The following ANKRD31 variants were observed in gnomAD, a reference collection of about 807,000 sequenced individuals.
ANKRD31 encodes ankyrin repeat domain 31.
A neutral mutation model predicts 186.0 loss-of-function variants in ANKRD31; 147 were observed. That is an observed-to-expected ratio of 0.79 (90% CI 0.69 to 0.91). The LOEUF is 0.91. Ranked by LOEUF, ANKRD31 falls within the 40% of genes least tolerant of loss-of-function variation. ANKRD31 has a pLI of 0.00. For synonymous variants in ANKRD31, 673 were observed against 736.4 expected, an observed-to-expected ratio of 0.91 and a Z score of 1.39; for missense variants, 1,986 against 2,148.8, an observed-to-expected ratio of 0.92 and a Z score of 1.50.
intron 17 of ANKRD31, among the ~76,000 whole-genome samples, chr5:75,127,458 C>G (rs972109679): frequency 6.6e-6 from 1 of 152,018 alleles, no homozygotes; most frequent in Non-Finnish European, 1.5e-5. Flanking sequence ...AATATCTAGC[C>G]CCAAATGTCA....
At chr5:75,230,154 C>T (rs999903975) in intron 2 of ANKRD31, among the ~76,000 whole-genome samples, 6 of 151,732 alleles carry the variant, frequency 4.0e-5, no homozygotes, top group Non-Finnish European at 8.8e-5. Flanking sequence ...GCCCTGAGCA[C>T]GGGCTCTTCA....
Position 75,206,415 on chromosome 5 carries a change from A to C in ANKRD31, c.399T>G (p.Ile133Met), listed in dbSNP as rs1429945944. 1 of 1,469,608 alleles carries C rather than the reference A, an allele frequency of 6.8e-7. No individual in the cohort carries two copies. Among genetic ancestry groups the C allele is most frequent in the Non-Finnish European group, 8.9e-7 (1 of 1,118,060 alleles). The allele number at this position is 1,469,608 out of a possible 1,614,324, so 91.0% of individuals were successfully genotyped here. Residue 133 changes from isoleucine to methionine, a missense_variant, in exon 5 of 26, where the codon ATT becomes ATG. Transcript: ENST00000506364. ...GACTCTACCATGAAAACATACCTTC[A>C]ATATTTTGGTGGTTCAATGAAAGTC... The part of the protein sequence containing the change: ...QSGLSLNHQN[I>M]EGPEAESPEV...
intron 11 of ANKRD31, 49 bp from the exon 12 acceptor site, chr5:75,154,394 C>T: frequency 6.8e-7 from 1 of 1,460,800 alleles, no homozygotes; most frequent in Non-Finnish European, 9.1e-7. Context: ...GGGTGTATTA[C>T]TGTGAATGTG....
chr5:75,150,876 T>C (rs940312212), intron 12 of ANKRD31, among the ~76,000 whole-genome samples: 1 of 152,030 alleles, frequency 6.6e-6, no homozygotes, highest in Admixed American at 6.6e-5. Context: ...AAAATGTTAA[T>C]ACGATTGTTT....
chr5:75,148,146 G>T (rs534458815), intron 13 of ANKRD31, among the ~76,000 whole-genome samples: 11 of 151,926 alleles, frequency 7.2e-5, no homozygotes, highest in Admixed American at 6.6e-4. Flanking sequence ...TCTTCAACTG[G>T]TCTGTATGAA....
chr5:75,199,603 A>C (rs1472796827), intron 6 of ANKRD31, 28 bp downstream of exon 6: 1 of 1,502,618 alleles, frequency 6.7e-7, no homozygotes, highest in East Asian at 2.5e-5. Flanking sequence ...CACAGTCTAC[A>C]TAGTTAATTT....
At chr5:75,077,707 T>C (rs1580275583) in intron 25 of ANKRD31, among the ~76,000 whole-genome samples, 1 of 151,988 alleles carries the variant, frequency 6.6e-6, no homozygotes, top group East Asian at 1.9e-4. Flanking sequence ...GGGCAGATCA[T>C]GAGGTCAGGA....
At chr5:75,179,201 G>A (rs572268558) in intron 10 of ANKRD31, among the ~76,000 whole-genome samples, 100 of 152,070 alleles carry the variant, frequency 6.6e-4, no homozygotes, top group African/African-American at 2.2e-3. Flanking sequence ...TTGAATCTCT[G>A]AATAGACCAA....
intron 2 of ANKRD31, among the ~76,000 whole-genome samples, chr5:75,229,058 A>G (rs1313476618): frequency 6.6e-6 from 1 of 152,216 alleles, no homozygotes; most frequent in Non-Finnish European, 1.5e-5. Context: ...CATCCTCCAA[A>G]AAAAGATTTT....
At chr5:75,068,768 C>T (rs917223492) in intron 25 of ANKRD31, 104 bp from the exon 26 acceptor site, 1 of 1,192,938 alleles carries the variant, frequency 8.4e-7, no homozygotes, top group Non-Finnish European at 1.1e-6. Context: ...TTTGAGAGCA[C>T]ACATAACAGG....
chr5:75,123,611 A>G (rs750503742), intron 17 of ANKRD31, among the ~76,000 whole-genome samples: 1 of 152,114 alleles, frequency 6.6e-6, no homozygotes. Flanking sequence ...AAGGTAAAAG[A>G]ATAAAAGAAT....
chr5:75,193,374 A>G lies in ANKRD31; in HGVS notation c.1235T>C (p.Ile412Thr). Residue 412 changes from isoleucine to threonine, a missense_variant, in exon 8 of 26, where the codon ATT becomes ACT. Physicochemically the swap from Ile to Thr is moderately conservative, Grantham distance 89 (BLOSUM62 -1). Transcript: ENST00000506364. ...CTCACAGCCAAGGATTTTTGGTAAA[A>G]TCTTTTCTGGCATCTTATACATGTG... The part of the protein sequence containing the change: ...SDHMYKMPEK[I>T]LPKILGCEDL... The G allele has an allele frequency of 6.5e-7, 1 of 1,536,948 alleles. No homozygotes were observed. The highest frequency in any genetic ancestry group is 8.7e-7 in the Non-Finnish European group (1 of 1,146,710).
chr5:75,118,243 G>A lies in ANKRD31; in HGVS notation c.3931C>T (p.Gln1311Ter), dbSNP rs1426739863. ...GANPNQKDQKQKSALDEADDE... is the reference protein window; with the variant it reads ...GANPNQKDQK ...TCTGCTTCATCCAAAGCACTCTTCT[G>A]TTTTTGATCTTTTTGATTAGGGTTT... The change falls in exon 18 of 26, where the codon CAG (glutamine) becomes TAG (stop). Residue 1311 changes from glutamine to a stop codon, truncating the protein, a stop_gained. Transcript: ENST00000506364. LOFTEE classifies it high-confidence loss of function. The A allele has an allele frequency of 6.6e-7, 1 of 1,521,964 alleles. No homozygotes were observed. The highest frequency in any genetic ancestry group is 8.7e-7 in the Non-Finnish European group (1 of 1,143,004). 94.3% of individuals were successfully genotyped at this position (1,521,964 alleles called of 1,614,324 possible).
chr5:75,128,197 G>C (rs2150103398), intron 17 of ANKRD31, among the ~76,000 whole-genome samples: 1 of 151,186 alleles, frequency 6.6e-6, no homozygotes, highest in East Asian at 2.0e-4. Context: ...TCATAAGTGG[G>C]AGTTGAACAA....
At chr5:75,162,757 TTA>T (rs1490696459) in intron 11 of ANKRD31, among the ~76,000 whole-genome samples, 1 of 152,180 alleles carries the variant, frequency 6.6e-6, no homozygotes, top group African/African-American at 2.4e-5. Context: ...TGTTCTCATG[TTA>T]TGTTTTAATG....
intron 17 of ANKRD31, among the ~76,000 whole-genome samples, chr5:75,135,850 A>G (rs1202367519): frequency 6.6e-6 from 1 of 152,268 alleles, no homozygotes; most frequent in Non-Finnish European, 1.5e-5. Context: ...CAGAGCCCTC[A>G]GAAATAATAC....
At chr5:75,113,136 C>T (rs984288844) in intron 19 of ANKRD31, among the ~76,000 whole-genome samples, 1 of 152,096 alleles carries the variant, frequency 6.6e-6, no homozygotes, top group African/African-American at 2.4e-5. Flanking sequence ...CTTCTCTTTC[C>T]CTATGAGAGA....
rs1420853360 is a variant in ANKRD31, at chr5:75,193,437, T to C, written c.1172A>G (p.Glu391Gly). Residue 391 changes from glutamate (E) to glycine (G), a missense_variant, in exon 8 of 26, where the codon GAA becomes GGA. By Grantham distance (98) the Glu-to-Gly change is moderately conservative. Transcript: ENST00000506364. ...TGCATCTCTGCTTACTTTCAGTTTT[T>C]CTAGTCTGGATGATCTCCTCAACAC... is the stretch of plus-strand genomic sequence containing the variant. ...ACVLRRSSRLEKLKVSRDAKY... is the reference protein window; with the variant it reads ...ACVLRRSSRLGKLKVSRDAKY... 6.5e-7 allele frequency: 1 copy of C among 1,537,256 alleles called. No homozygotes were observed. Among genetic ancestry groups the C allele is most frequent in the Admixed American group, 2.0e-5 (1 of 50,966 alleles).
At chr5:75,141,171 G>C (rs1293803013) in intron 15 of ANKRD31, among the ~76,000 whole-genome samples, 2 of 152,138 alleles carry the variant, frequency 1.3e-5, no homozygotes, top group Non-Finnish European at 2.9e-5. Flanking sequence ...CAGGGCAAGA[G>C]ATAAAAAGAT....
Sources: gnomAD v4.1 joint callset for allele counts (sites outside exome capture counted in the v4.1 genomes callset) on GRCh38, gnomAD v4.1.1 for gene constraint, MANE v1.5 for transcripts, NCBI Gene and HGNC (gene_info 2026-07-23, HGNC 2026-07-21) for gene names.